The following MIOS variants were observed in gnomAD, a reference collection of about 807,000 sequenced individuals.
MIOS encodes GATOR2 complex protein MIOS.
In MIOS, 52 loss-of-function variants were observed where a neutral mutation model predicts 96.9. The observed-to-expected ratio is 0.54, with a 90% confidence interval of 0.43 to 0.68. The LOEUF is 0.68. MIOS is among the 30% of genes least tolerant of loss of function. MIOS has a pLI of 0.00. For synonymous variants in MIOS, 397 were observed against 359.5 expected, an observed-to-expected ratio of 1.10 and a Z score of -1.18; for missense variants, 1,005 against 1,052.8, an observed-to-expected ratio of 0.95 and a Z score of 0.63.
At chr7:7,576,387 A>C (rs1783534327) in intron 5 of MIOS, among the ~76,000 whole-genome samples, 1 of 152,190 alleles carries the variant, frequency 6.6e-6, no homozygotes, top group African/African-American at 2.4e-5. Flanking sequence ...TAGACAAGTA[A>C]GCTGGCAGTT....
intron 6 of MIOS, among the ~76,000 whole-genome samples, chr7:7,585,153 A>C (rs1288897325): frequency 1.3e-5 from 2 of 152,166 alleles, no homozygotes; most frequent in Admixed American, 1.3e-4. Context: ...ATACCTTTAC[A>C]TTAATAAACT....
intron 11 of MIOS, among the ~76,000 whole-genome samples, chr7:7,603,615 G>A (rs1315238508): frequency 6.6e-6 from 1 of 152,164 alleles, no homozygotes; most frequent in African/African-American, 2.4e-5. Context: ...CTGTTGGTGG[G>A]ACTGTAAACT....
In MIOS at chr7:7,566,930, T is replaced by A. The variant is rs550802179; in HGVS notation, c.-363T>A. ...GCTGCGCGTCCTCCAGGCGTGGTGG[T>A]GGGGTCGTGGGTCCCAGCCCAGTGG... On this transcript the variant is annotated 5_prime_UTR_variant, in exon 1 of 13. Coordinates refer to ENST00000340080, the MANE Select transcript of MIOS (RefSeq NM_019005.4). 8.5e-5 allele frequency: 13 copies of A among 152,082 alleles called. No individual in the cohort carries two copies. Among genetic ancestry groups the A allele is most frequent in the African/African-American group, 3.1e-4 (13 of 41,432 alleles). The allele number at this position is 152,082 out of a possible 1,614,324, so 9.4% of individuals were successfully genotyped here. A position where few individuals can be genotyped will look rare whatever the true frequency, so the allele number is the denominator to read the frequency against.
chr7:7,585,244 T>G (rs1783847735), intron 6 of MIOS, among the ~76,000 whole-genome samples: 2 of 152,134 alleles, frequency 1.3e-5, no homozygotes, highest in Admixed American at 1.3e-4. Context: ...TATGGGAACA[T>G]ACACAGGAAT....
chr7:7,603,185 C>G (rs975234813), intron 11 of MIOS, among the ~76,000 whole-genome samples: 1 of 152,010 alleles, frequency 6.6e-6, no homozygotes, highest in Non-Finnish European at 1.5e-5. Context: ...ACACCAAAAG[C>G]AATGGCAACA....
intron 5 of MIOS, among the ~76,000 whole-genome samples, chr7:7,576,397 TATAAC>T (rs1282117183): frequency 6.6e-6 from 1 of 152,170 alleles, no homozygotes; most frequent in African/African-American, 2.4e-5. Flanking sequence ...AGCTGGCAGT[TATAAC>T]ATAGGGAAGA....
Position 7,588,561 on chromosome 7 carries a change from C to A in MIOS, c.1882C>A (p.Gln628Lys). 6.4e-7 allele frequency: 1 copy of A among 1,572,606 alleles called. No homozygotes were observed. Among genetic ancestry groups the A allele is most frequent in the Non-Finnish European group, 8.7e-7 (1 of 1,155,038 alleles). Residue 628 changes from glutamine to lysine, a missense_variant and splice_region_variant, in exon 8 of 13, where the codon CAG (glutamine) becomes AAG (lysine). By Grantham distance (53) the Gln-to-Lys change is moderately conservative (BLOSUM62 1). Coordinates refer to ENST00000340080, the MANE Select transcript of MIOS (RefSeq NM_019005.4). ...TGCTTGTAAATTCCTTAGTGATACT[C>A]AGGTGAAAACTGATTTAATTCCACA... ...AFACKFLSDTQLNRYIEKLTN... is the reference protein window; with the variant it reads ...AFACKFLSDTKLNRYIEKLTN...
intron 5 of MIOS, among the ~76,000 whole-genome samples, chr7:7,577,196 C>T (rs568975137): frequency 2.6e-5 from 4 of 152,046 alleles, no homozygotes; most frequent in Non-Finnish European, 4.4e-5. Flanking sequence ...TGACAAAAAC[C>T]GCAATCACTT....
chr7:7,569,077 T>C (rs1490300959), intron 3 of MIOS, among the ~76,000 whole-genome samples: 2 of 152,258 alleles, frequency 1.3e-5, no homozygotes, highest in African/African-American at 4.8e-5. Flanking sequence ...ATAAAAAGTG[T>C]GTTTATTTAA....
chr7:7,587,043 G>A (rs1327175539), intron 7 of MIOS, among the ~76,000 whole-genome samples: 2 of 136,368 alleles, frequency 1.5e-5, no homozygotes, highest in African/African-American at 5.7e-5. Flanking sequence ...ACAGTGTCTT[G>A]CTCTGTACCC....
At chr7:7,569,490 A>C (rs1027051478) in intron 3 of MIOS, among the ~76,000 whole-genome samples, 1 of 152,232 alleles carries the variant, frequency 6.6e-6, no homozygotes, top group Non-Finnish European at 1.5e-5. Flanking sequence ...AAGTGGAAGC[A>C]TGAGGAAATA....
At chr7:7,576,717 A>G (rs1470232602) in intron 5 of MIOS, among the ~76,000 whole-genome samples, 1 of 152,178 alleles carries the variant, frequency 6.6e-6, no homozygotes, top group Admixed American at 6.5e-5. Context: ...TTTGTGTTTT[A>G]AAAGGATCAA....
intron 6 of MIOS, 61 bp from the exon 7 acceptor site, chr7:7,585,575 A>G: frequency 7.2e-7 from 1 of 1,391,140 alleles, no homozygotes; most frequent in Non-Finnish European, 9.6e-7. Context: ...TGGTTTAAGA[A>G]ATGTAGAAGA....
chr7:7,605,069 A>C (rs1315260755), intron 11 of MIOS: 1 of 152,190 alleles, frequency 6.6e-6, no homozygotes, highest in Non-Finnish European at 1.5e-5. Context: ...CCCGACTGCA[A>C]GATTATCCTT....
chr7:7,591,666 C>A (rs1428487138), intron 9 of MIOS, among the ~76,000 whole-genome samples: 3 of 152,036 alleles, frequency 2.0e-5, no homozygotes, highest in Non-Finnish European at 4.4e-5. Context: ...GTAGGATAAT[C>A]TTTTTGGGTT....
chr7:7,588,431 C>G, intron 7 of MIOS, 67 bp from the exon 8 acceptor site: 1 of 863,140 alleles, frequency 1.2e-6, no homozygotes, highest in Non-Finnish European at 1.8e-6. Flanking sequence ...ATAAAACATT[C>G]AGTCTCTGCA....
At chr7:7,586,153 CACGTGTGTGTGTGTGTGT>C (rs1446567131) in intron 7 of MIOS, among the ~76,000 whole-genome samples, 1 of 100,268 alleles carries the variant, frequency 1.0e-5, no homozygotes, top group Non-Finnish European at 2.0e-5. Flanking sequence ...TGCACACATG[CACGTGTGTGTGTGTGTGT>C]GTGTGTGTGT....
chr7:7,572,910 G>C lies in MIOS; in HGVS notation c.435G>C (p.Trp145Cys). The stretch of plus-strand genomic sequence containing the variant: ...GAGCTGACTTTTCAGTGCTAATATG[G>C]GATATCTGCAGCAAATATACTCCTG... ...KHRADFSVLI[W>C]DICSKYTPDI... Residue 145 changes from tryptophan (W) to cysteine (C), a missense_variant, in exon 4 of 13, where the codon TGG becomes TGC. Physicochemically the swap from Trp to Cys is radical, Grantham distance 215 (BLOSUM62 -2). Coordinates refer to ENST00000340080, the MANE Select transcript of MIOS (RefSeq NM_019005.4). This position sits in a 1 kb window ranked among gnomAD's most constrained non-coding sequence, Gnocchi z 4.8. 2 of 1,614,054 alleles carry C rather than the reference G, an allele frequency of 1.2e-6. No homozygotes were observed. Among genetic ancestry groups the C allele is most frequent in the Non-Finnish European group, 1.7e-6 (2 of 1,179,972 alleles).
rs769641758 is a variant in MIOS, at chr7:7,566,904, C to A, written c.-389C>A. The A allele has an allele frequency of 1.3e-5, 2 of 152,178 alleles. No individual in the cohort carries two copies. The highest frequency in any genetic ancestry group is 4.1e-4 in the South Asian group (2 of 4,834). 9.4% of individuals were successfully genotyped at this position (152,178 alleles called of 1,614,324 possible). A position where few individuals can be genotyped will look rare whatever the true frequency, so the allele number is the denominator to read the frequency against. On this transcript the variant is annotated 5_prime_UTR_variant, in exon 1 of 13. Coordinates refer to ENST00000340080, the MANE Select transcript of MIOS (RefSeq NM_019005.4). The stretch of plus-strand genomic sequence containing the variant: ...AACTCCCCTTCCAAGGCCGAGGCGC[C>A]GCTGCGCGTCCTCCAGGCGTGGTGG...
Sources: allele counts gnomAD v4.1 joint callset (sites outside exome capture counted in the v4.1 genomes callset), GRCh38; gene constraint gnomAD v4.1.1; non-coding constraint Gnocchi (gnomAD v3.1); transcripts MANE v1.5; gene names NCBI Gene and HGNC (gene_info 2026-07-23, HGNC 2026-07-21).